PPP1R9A: variants seen among roughly 807,000 people sequenced by gnomAD.
PPP1R9A encodes the protein neurabin-1.
PPP1R9A carries 59 observed loss-of-function variants against 141.9 expected under a neutral mutation model. The ratio of observed to expected loss-of-function variants is 0.42; its 90% CI spans 0.34 to 0.52. PPP1R9A has a LOEUF of 0.52. Among genes scored for constraint, PPP1R9A ranks in the 20% least tolerant of loss-of-function variants. The pLI is 0.10. For missense variants in PPP1R9A, 1,444 were observed against 1,611.9 expected (o/e 0.90, Z 1.78); for synonymous variants, 500 against 569.7 (o/e 0.88, Z 1.74).
chr7:95,049,790 A>G (rs1433933136), intron 2 of PPP1R9A, among the ~76,000 whole-genome samples: 1 of 152,180 alleles, frequency 6.6e-6, no homozygotes, highest in African/African-American at 2.4e-5. Flanking sequence ...ACCTTTCCAG[A>G]TTGACTTCTT....
chr7:95,266,873 A>C (rs189792843), intron 12 of PPP1R9A, among the ~76,000 whole-genome samples: 2 of 152,284 alleles, frequency 1.3e-5, no homozygotes, highest in East Asian at 3.9e-4. Context: ...TGAACTCTTA[A>C]TGGGCAGCTA....
chr7:95,250,694 C>G (rs1798756617), intron 10 of PPP1R9A, among the ~76,000 whole-genome samples: 1 of 152,156 alleles, frequency 6.6e-6, no homozygotes, highest in Non-Finnish European at 1.5e-5. Flanking sequence ...TACAGAATTT[C>G]CCACTACAGA....
rs764019003 is a variant in PPP1R9A, at chr7:95,261,571, TTTAAG to T, written c.2666-6974_2666-6970del. ...GGTCATTCAGGTATTAATTTTTGGT[TTTAAG>T]TTAATGTTTGATTTACTCAAGTGAC... On this transcript the variant is annotated intron_variant, in intron 12 of 19. Transcript: ENST00000433360. 1.2e-4 allele frequency among the ~76,000 whole-genome samples: 18 copies of T among 152,250 alleles called. No individual in the cohort carries two copies. In the South Asian group the frequency reaches 3.7e-3, roughly 32 times the overall value.
intron 2 of PPP1R9A, among the ~76,000 whole-genome samples, chr7:94,959,322 GAA>G (rs1240069740): frequency 6.6e-6 from 1 of 151,578 alleles, no homozygotes; most frequent in Non-Finnish European, 1.5e-5. Flanking sequence ...ATAAAAAAAT[GAA>G]AAGATTATTT....
At chr7:95,282,414 G>T (rs548066077) in intron 16 of PPP1R9A, among the ~76,000 whole-genome samples, 1 of 152,266 alleles carries the variant, frequency 6.6e-6, no homozygotes, top group South Asian at 2.1e-4. Flanking sequence ...AGGTAATGTG[G>T]TTACATTTTA....
At chr7:94,907,350 A>C (rs892303315), upstream of PPP1R9A, 1 of 152,294 alleles carries the variant, frequency 6.6e-6, no homozygotes, top group Non-Finnish European at 1.5e-5. Flanking sequence ...GCAGTGGCTT[A>C]GGTGAAGGCC....
chr7:94,969,718 T>C (rs1584444433), intron 2 of PPP1R9A, among the ~76,000 whole-genome samples: 3 of 151,316 alleles, frequency 2.0e-5, no homozygotes, highest in African/African-American at 7.3e-5. Context: ...CAGGCAGGAG[T>C]GTTTAAGTCT....
intron 2 of PPP1R9A, among the ~76,000 whole-genome samples, chr7:94,912,477 C>T (rs1477165454): frequency 6.6e-6 from 1 of 152,114 alleles, no homozygotes; most frequent in Non-Finnish European, 1.5e-5. Flanking sequence ...TAGTTTTAGA[C>T]CACATTCTAG....
chr7:95,041,256 C>G (rs561890784), intron 2 of PPP1R9A, among the ~76,000 whole-genome samples: 1 of 152,186 alleles, frequency 6.6e-6, no homozygotes, highest in African/African-American at 2.4e-5. Flanking sequence ...GATTTCTTCT[C>G]CAAGGTTTTT....
At chr7:94,982,867 G>A (rs1221818000) in intron 2 of PPP1R9A, among the ~76,000 whole-genome samples, 3 of 152,096 alleles carry the variant, frequency 2.0e-5, no homozygotes, top group African/African-American at 7.2e-5. Context: ...ATTGCTTTTG[G>A]TGTTTTAGTC....
chr7:95,153,701 T>C (rs1829115414), intron 4 of PPP1R9A, among the ~76,000 whole-genome samples: 1 of 152,240 alleles, frequency 6.6e-6, no homozygotes, highest in African/African-American at 2.4e-5. Context: ...ATGCATCGAA[T>C]GAGGAGAATT....
intron 8 of PPP1R9A, among the ~76,000 whole-genome samples, chr7:95,234,965 G>A: frequency 6.6e-6 from 1 of 152,134 alleles, no homozygotes; most frequent in East Asian, 1.9e-4. Context: ...CAAGCCAGGT[G>A]TAGAAGACTG....
At chr7:95,034,745 A>G (rs1055528368) in intron 2 of PPP1R9A, among the ~76,000 whole-genome samples, 15 of 152,220 alleles carry the variant, frequency 9.9e-5, no homozygotes, top group African/African-American at 1.4e-4. Flanking sequence ...ATTTGTATCA[A>G]TTATTCAGAA....
chr7:95,023,231 A>G (rs1423799721), intron 2 of PPP1R9A, among the ~76,000 whole-genome samples: 1 of 152,100 alleles, frequency 6.6e-6, no homozygotes, highest in Non-Finnish European at 1.5e-5. Context: ...CGAGAAATTT[A>G]TTCATTTCTT....
chr7:95,284,462 C>G (rs1227622574), intron 17 of PPP1R9A, 132 bp downstream of exon 17: 14 of 910,516 alleles, frequency 1.5e-5, no homozygotes, highest in Non-Finnish European at 2.1e-5. Context: ...TATCTTTTCA[C>G]ATATTGCTAT....
intron 16 of PPP1R9A, among the ~76,000 whole-genome samples, chr7:95,275,825 G>A (rs897927850): frequency 2.0e-5 from 3 of 152,124 alleles, no homozygotes; most frequent in Non-Finnish European, 2.9e-5. Flanking sequence ...AGCATAATGG[G>A]CGGGAGATGA....
In PPP1R9A at chr7:94,976,830, G is replaced by A. The variant is rs144482918; in HGVS notation, c.1395+65322G>A. Among the ~76,000 whole-genome samples the A allele has an allele frequency of 1.6e-3, 241 of 152,174 alleles. 1 individual carries two copies. The highest frequency in any genetic ancestry group is 3.4e-3 in the Middle Eastern group (1 of 294). On this transcript the variant is annotated intron_variant, in intron 2 of 19. Coordinates refer to ENST00000433360, the MANE Select transcript of PPP1R9A (RefSeq NM_001166160.2). ...TGTATTTATTGAGTATCTGCTTGGT[G>A]TCAGGCTCTATTCTAGGTATTGGGG...
intron 7 of PPP1R9A, among the ~76,000 whole-genome samples, chr7:95,209,653 A>G (rs1791652405): frequency 6.6e-6 from 1 of 152,200 alleles, no homozygotes; most frequent in Non-Finnish European, 1.5e-5. Context: ...ACCATAATCC[A>G]TGTAATACCA....
intron 2 of PPP1R9A, among the ~76,000 whole-genome samples, chr7:95,074,479 TGTTG>T (rs778764242): frequency 3.5e-4 from 24 of 69,094 alleles, no homozygotes; most frequent in Non-Finnish European, 5.0e-4. Flanking sequence ...TTTTTTTTTT[TGTTG>T]TTTTTTTTGA....
Sources: allele counts gnomAD v4.1 joint callset (sites outside exome capture counted in the v4.1 genomes callset), GRCh38; gene constraint gnomAD v4.1.1; transcripts MANE v1.5; gene names NCBI Gene and HGNC (gene_info 2026-07-23, HGNC 2026-07-21).